RPS6KA2: variants seen among roughly 807,000 people sequenced by gnomAD.
The protein encoded by RPS6KA2 is ribosomal protein S6 kinase alpha-2.
In RPS6KA2, 42 loss-of-function variants were observed where a neutral mutation model predicts 91.8. The ratio of observed to expected loss-of-function variants is 0.46; its 90% CI spans 0.36 to 0.59. The LOEUF is 0.59. RPS6KA2 is among the 20% of genes least tolerant of loss of function. RPS6KA2 has a pLI of 0.00. For synonymous variants in RPS6KA2, 414 were observed against 393.6 expected, an observed-to-expected ratio of 1.05 and a Z score of -0.61; for missense variants, 798 against 978.5, an observed-to-expected ratio of 0.82 and a Z score of 2.46.
chr6:166,552,431 G>T (rs1291793345), intron 1 of RPS6KA2, among the ~76,000 whole-genome samples: 1 of 152,236 alleles, frequency 6.6e-6, no homozygotes, highest in Non-Finnish European at 1.5e-5. Context: ...CAATCCCTCT[G>T]TGTGGCGAAA....
chr6:166,826,388 C>T (rs552322219), intron 2 of RPS6KA2, among the ~76,000 whole-genome samples: 2 of 152,330 alleles, frequency 1.3e-5, no homozygotes, highest in Admixed American at 1.3e-4. Context: ...ACGTCCTGAG[C>T]ACTTTGCTCA....
intron 8 of RPS6KA2, among the ~76,000 whole-genome samples, chr6:166,497,769 C>T (rs935718548): frequency 2.0e-5 from 3 of 152,242 alleles, no homozygotes; most frequent in African/African-American, 7.2e-5. Flanking sequence ...AGTTCTGCCA[C>T]ACGCCAGCGG....
At chr6:166,594,844 A>T (rs1221481616) in intron 1 of RPS6KA2, among the ~76,000 whole-genome samples, 1 of 152,208 alleles carries the variant, frequency 6.6e-6, no homozygotes, top group Non-Finnish European at 1.5e-5. Flanking sequence ...AGAACACCAA[A>T]GTTCTTTCCA....
At chr6:166,826,015 G>C (rs918492991) in intron 2 of RPS6KA2, among the ~76,000 whole-genome samples, 2 of 152,186 alleles carry the variant, frequency 1.3e-5, no homozygotes, top group African/African-American at 4.8e-5. Context: ...ACCAAGGCAA[G>C]CACAACAATG....
chr6:166,630,792 G>T (rs1207389715), upstream of RPS6KA2, among the ~76,000 whole-genome samples: 2 of 152,230 alleles, frequency 1.3e-5, no homozygotes, highest in Admixed American at 1.3e-4. Flanking sequence ...CCTTTTCCTG[G>T]GCTGTGGATC....
At chr6:166,572,841 C>G (rs569026323) in intron 1 of RPS6KA2, among the ~76,000 whole-genome samples, 1 of 152,258 alleles carries the variant, frequency 6.6e-6, no homozygotes, top group Non-Finnish European at 1.5e-5. Context: ...GCAGCTCCCA[C>G]GTCCTCTGCT....
At chr6:166,436,613 C>T (rs1478993445) in intron 14 of RPS6KA2, among the ~76,000 whole-genome samples, 1 of 152,254 alleles carries the variant, frequency 6.6e-6, no homozygotes, top group Non-Finnish European at 1.5e-5. Context: ...GTCTGTCTCG[C>T]ACTAGCAGAA....
At chr6:166,619,200 A>G (rs1187987855) in intron 1 of RPS6KA2, among the ~76,000 whole-genome samples, 3 of 152,218 alleles carry the variant, frequency 2.0e-5, no homozygotes, top group Non-Finnish European at 4.4e-5. Context: ...AGATCTAGAA[A>G]TAAGAGACAG....
intron 10 of RPS6KA2, among the ~76,000 whole-genome samples, chr6:166,486,467 A>C (rs1480067840): frequency 6.6e-6 from 1 of 152,148 alleles, no homozygotes; most frequent in East Asian, 1.9e-4. Context: ...TGTCCACAGC[A>C]CTGTTGGTGA....
At chr6:166,681,699 C>CA (rs1235863893) in intron 2 of RPS6KA2, among the ~76,000 whole-genome samples, 1 of 62,642 alleles carries the variant, frequency 1.6e-5, no homozygotes, top group African/African-American at 8.9e-5. Context: ...CGCCCCCCCC[C>CA]CCGCCCCCGC....
chr6:166,608,203 CA>C (rs2128530997), intron 1 of RPS6KA2, among the ~76,000 whole-genome samples: 1 of 152,284 alleles, frequency 6.6e-6, no homozygotes, highest in African/African-American at 2.4e-5. Flanking sequence ...GTAATTTCCT[CA>C]GGATATTTGC....
At chr6:166,567,458 G>C (rs1201006229) in intron 1 of RPS6KA2, among the ~76,000 whole-genome samples, 1 of 152,194 alleles carries the variant, frequency 6.6e-6, no homozygotes, top group African/African-American at 2.4e-5. Context: ...TCAGGGAGGA[G>C]CAAACACCCA....
At chr6:166,552,405 C>T (rs539918851) in intron 1 of RPS6KA2, among the ~76,000 whole-genome samples, 15 of 152,364 alleles carry the variant, frequency 9.8e-5, no homozygotes, top group Non-Finnish European at 1.9e-4. Context: ...CATGGCCTCA[C>T]CCACATGATG....
At chr6:166,615,215 A>G (rs1209921787) in intron 1 of RPS6KA2, among the ~76,000 whole-genome samples, 1 of 152,180 alleles carries the variant, frequency 6.6e-6, no homozygotes, top group Non-Finnish European at 1.5e-5. Context: ...GACTCATCTG[A>G]CTGGGAAACA....
chr6:166,680,497 G>A (rs563812228), intron 2 of RPS6KA2, among the ~76,000 whole-genome samples: 80 of 152,280 alleles, frequency 5.3e-4, no homozygotes, highest in African/African-American at 1.8e-3. Context: ...AGTAAATCTT[G>A]CTGGTGCCCA....
At chr6:166,591,976 C>G (rs1278933775) in intron 1 of RPS6KA2, among the ~76,000 whole-genome samples, 4 of 152,236 alleles carry the variant, frequency 2.6e-5, no homozygotes, top group African/African-American at 9.6e-5. Flanking sequence ...GAAGCATCTG[C>G]AATACAGAAA....
At chr6:166,708,619 G>A (rs550265932) in intron 2 of RPS6KA2, among the ~76,000 whole-genome samples, 48 of 152,300 alleles carry the variant, frequency 3.2e-4, no homozygotes, top group African/African-American at 1.1e-3. Context: ...AAGACGTTTC[G>A]CAGGTCCTGA....
At chr6:166,704,474 G>A (rs1228602277) in intron 2 of RPS6KA2, among the ~76,000 whole-genome samples, 1 of 152,240 alleles carries the variant, frequency 6.6e-6, no homozygotes, top group Admixed American at 6.5e-5. Flanking sequence ...CATTAGTCAT[G>A]AGCCAATTTC....
At chr6:166,539,818 C>T (rs770500868) in intron 1 of RPS6KA2, among the ~76,000 whole-genome samples, 3 of 152,226 alleles carry the variant, frequency 2.0e-5, no homozygotes, top group African/African-American at 7.2e-5. Flanking sequence ...ATGAGACATT[C>T]GAGCCCAACT....
Sources: gnomAD v4.1 joint callset for allele counts (sites outside exome capture counted in the v4.1 genomes callset) on GRCh38, gnomAD v4.1.1 for gene constraint, MANE v1.5 for transcripts, NCBI Gene and HGNC (gene_info 2026-07-23, HGNC 2026-07-21) for gene names.